The following CYP46A1 variants were observed in gnomAD, a reference collection of about 807,000 sequenced individuals.
CYP46A1 encodes cholesterol 24-hydroxylase.
A neutral mutation model predicts 63.3 loss-of-function variants in CYP46A1; 20 were observed. The ratio of observed to expected loss-of-function variants is 0.32; its 90% CI spans 0.22 to 0.46. The LOEUF is 0.46. Among genes scored for constraint, CYP46A1 ranks in the 20% least tolerant of loss-of-function variants. The pLI is 1.00. For missense variants in CYP46A1, 445 were observed against 670.8 expected, an observed-to-expected ratio of 0.66 and a Z score of 3.72; for synonymous variants, 268 against 273.6, an observed-to-expected ratio of 0.98 and a Z score of 0.20.
At chr14:99,717,315 C>G (rs117336572) in intron 9 of CYP46A1, among the ~76,000 whole-genome samples, 1 of 152,084 alleles carries the variant, frequency 6.6e-6, no homozygotes, top group Non-Finnish European at 1.5e-5. Flanking sequence ...GGGGACTGGC[C>G]GAGGGCACGG....
chr14:99,701,821 G>A (rs1316052189), intron 5 of CYP46A1, among the ~76,000 whole-genome samples: 1 of 152,142 alleles, frequency 6.6e-6, no homozygotes, highest in Non-Finnish European at 1.5e-5. Flanking sequence ...TGTAATCCCA[G>A]CACTTTGGGG....
At chr14:99,726,498 C>G in intron 14 of CYP46A1, 59 bp from the exon 15 acceptor site, 1 of 1,437,966 alleles carries the variant, frequency 7.0e-7, no homozygotes, top group Non-Finnish European at 9.3e-7. Context: ...GCTGCTCATT[C>G]ACTCACTCAT....
At chr14:99,705,567 G>A (rs1241274338) in intron 5 of CYP46A1, among the ~76,000 whole-genome samples, 1 of 152,146 alleles carries the variant, frequency 6.6e-6, no homozygotes, top group African/African-American at 2.4e-5. Flanking sequence ...TTTCAGATAC[G>A]TTTCAAGAAT....
intron 7 of CYP46A1, chr14:99,708,992 T>G (rs1468414636): frequency 6.6e-6 from 1 of 152,082 alleles, no homozygotes; most frequent in Non-Finnish European, 1.5e-5. Context: ...AGAAACTATG[T>G]TACTGTGCCA....
At position 99,726,748 on chromosome 14, in the gene CYP46A1, A is replaced by G; in HGVS notation, c.*21A>G. The stretch of plus-strand genomic sequence containing the variant: ...GCTGAGGGGGCCTCCAGGCAGGACG[A>G]GACTCCTCGGGCAAGGGCCGTGCCC... On this transcript the variant is annotated 3_prime_UTR_variant, in exon 15 of 15. Coordinates refer to ENST00000261835, the MANE Select transcript of CYP46A1 (RefSeq NM_006668.2). The G allele has an allele frequency of 6.7e-7, 1 of 1,495,326 alleles. No homozygotes were observed. 92.6% of individuals were successfully genotyped at this position (1,495,326 alleles called of 1,614,324 possible). A position where few individuals can be genotyped will look rare whatever the true frequency, so the allele number is the denominator to read the frequency against.
intron 11 of CYP46A1, 39 bp from the exon 12 acceptor site, chr14:99,721,917 C>T (rs375350250): frequency 4.2e-5 from 66 of 1,555,708 alleles, no homozygotes; most frequent in Middle Eastern, 1.7e-4. Context: ...TGTGGCCTCT[C>T]CCGACTCTCC....
intron 5 of CYP46A1, 160 bp from the exon 6 acceptor site, chr14:99,706,487 C>A: frequency 1.2e-6 from 1 of 857,900 alleles, no homozygotes; most frequent in Non-Finnish European, 1.8e-6. Flanking sequence ...GTTACTACAA[C>A]TCCAACCTGC....
chr14:99,713,865 C>CAAAAAAA (rs71113218), intron 7 of CYP46A1, among the ~76,000 whole-genome samples: 30 of 67,566 alleles, frequency 4.4e-4, no homozygotes, highest in African/African-American at 7.4e-4. Context: ...GACTCCATCT[C>CAAAAAAA]AAAAAAAAAA....
intron 10 of CYP46A1, among the ~76,000 whole-genome samples, 179 bp downstream of exon 10, chr14:99,718,305 C>A (rs373936452): frequency 6.6e-6 from 1 of 152,196 alleles, no homozygotes; most frequent in South Asian, 2.1e-4. Flanking sequence ...GGAGAACACA[C>A]CTCCTCCTCC....
rs2056907996 is a variant in CYP46A1 at position 99,726,881 on chromosome 14, C to A, written c.*154C>A. The A allele has an allele frequency of 1.8e-6, 1 of 568,746 alleles. No individual in the cohort carries two copies. Among genetic ancestry groups the A allele is most frequent in the Admixed American group, 3.5e-5 (1 of 28,466 alleles). 35.2% of individuals were successfully genotyped at this position (568,746 alleles called of 1,614,324 possible). A position where few individuals can be genotyped will look rare whatever the true frequency, so the allele number is the denominator to read the frequency against. On this transcript the variant is annotated 3_prime_UTR_variant, in exon 15 of 15. Transcript: ENST00000261835. Reference sequence around the variant, plus strand: ...CCCTCTGCCGACCGCCTGCTTCACACCCCTCAGCGCTCCCTGTCGCCTGCG... The same window carrying A: ...CCCTCTGCCGACCGCCTGCTTCACAACCCTCAGCGCTCCCTGTCGCCTGCG...
At chr14:99,692,807 G>A (rs147647329) in intron 3 of CYP46A1, among the ~76,000 whole-genome samples, 1,549 of 152,212 alleles carry the variant, frequency 0.01, 25 homozygotes, top group African/African-American at 0.035. Flanking sequence ...TCCAGCCTGG[G>A]TGACAGAGTG....
At chr14:99,689,846 A>G (rs1220265714) in intron 1 of CYP46A1, among the ~76,000 whole-genome samples, 5 of 152,102 alleles carry the variant, frequency 3.3e-5, no homozygotes, top group African/African-American at 9.7e-5. Context: ...CTGCAAAACA[A>G]TCCATTCAAA....
chr14:99,705,708 T>C (rs1595193666), intron 5 of CYP46A1, among the ~76,000 whole-genome samples: 1 of 152,274 alleles, frequency 6.6e-6, no homozygotes, highest in African/African-American at 2.4e-5. Context: ...GGGTGGATCA[T>C]GAGGTCAGGA....
At chr14:99,692,220 G>T (rs151271550) in intron 3 of CYP46A1, among the ~76,000 whole-genome samples, 1,763 of 152,316 alleles carry the variant, frequency 0.012, 26 homozygotes, top group African/African-American at 0.041. Flanking sequence ...ATTAAAAATT[G>T]ATCAGTTTAT....
At chr14:99,719,215 A>G (rs1308089886) in intron 10 of CYP46A1, among the ~76,000 whole-genome samples, 2 of 151,642 alleles carry the variant, frequency 1.3e-5, no homozygotes, top group African/African-American at 4.8e-5. Context: ...ATCCCCCTCC[A>G]CTATTTTTAT....
chr14:99,706,377 C>T, intron 5 of CYP46A1: 1 of 402,386 alleles, frequency 2.5e-6, no homozygotes, highest in Non-Finnish European at 4.6e-6. Context: ...TGAAGGGCCA[C>T]AGTGACCAAC....
At chr14:99,692,984 C>T (rs537240019) in intron 3 of CYP46A1, among the ~76,000 whole-genome samples, 34 of 152,344 alleles carry the variant, frequency 2.2e-4, no homozygotes, top group Middle Eastern at 6.8e-3. Context: ...GCTGTGGGAC[C>T]TTGGACAAGT....
At chr14:99,692,428 A>G (rs951662855) in intron 3 of CYP46A1, among the ~76,000 whole-genome samples, 2 of 152,132 alleles carry the variant, frequency 1.3e-5, no homozygotes, top group Non-Finnish European at 2.9e-5. Context: ...AATACCAGCT[A>G]CTCGGGAGGC....
At chr14:99,687,995 CTTT>C (rs2056509851) in intron 1 of CYP46A1, among the ~76,000 whole-genome samples, 3 of 151,838 alleles carry the variant, frequency 2.0e-5, no homozygotes, top group South Asian at 4.2e-4. Context: ...TTTTTTTCCC[CTTT>C]CTTGGTGGGC....
Sources: gnomAD v4.1 joint callset for allele counts (sites outside exome capture counted in the v4.1 genomes callset) on GRCh38, gnomAD v4.1.1 for gene constraint, MANE v1.5 for transcripts, NCBI Gene and HGNC (gene_info 2026-07-23, HGNC 2026-07-21) for gene names.